PRTG: variants seen among roughly 807,000 people sequenced by gnomAD.
PRTG encodes immunoglobulin superfamily, DCC subclass, member 5.
PRTG carries 67 observed loss-of-function variants against 122.5 expected under a neutral mutation model. The ratio of observed to expected loss-of-function variants is 0.55; its 90% CI spans 0.45 to 0.67. The LOEUF (loss-of-function observed/expected upper bound fraction) is 0.67, where lower values mean the gene tolerates loss of function less well. Among genes scored for constraint, PRTG ranks in the 30% least tolerant of loss-of-function variants. PRTG has a pLI of 0.00. For missense variants in PRTG, 1,435 were observed against 1,415.4 expected, an observed-to-expected ratio of 1.01 and a Z score of -0.22; for synonymous variants, 554 against 501.1, an observed-to-expected ratio of 1.11 and a Z score of -1.41.
intron 18 of PRTG, among the ~76,000 whole-genome samples, chr15:55,622,384 ATTTTT>A (rs35166581): frequency 1.8e-5 from 2 of 109,278 alleles, no homozygotes. Context: ...CACCCAGCTA[ATTTTT>A]TTTTTTTTTT....
intron 9 of PRTG, among the ~76,000 whole-genome samples, chr15:55,674,130 C>T (rs1010128045): frequency 7.9e-5 from 12 of 152,162 alleles, no homozygotes; most frequent in African/African-American, 2.9e-4. Flanking sequence ...TTCCTAATTA[C>T]AACATATGTT....
chr15:55,727,619 A>G (rs2031080130), intron 2 of PRTG, among the ~76,000 whole-genome samples: 1 of 152,066 alleles, frequency 6.6e-6, no homozygotes, highest in Admixed American at 6.5e-5. Context: ...AACATGGTGA[A>G]ACCCCGTCTC....
At chr15:55,739,361 A>G (rs370000721) in intron 2 of PRTG, among the ~76,000 whole-genome samples, 1 of 151,692 alleles carries the variant, frequency 6.6e-6, no homozygotes. Flanking sequence ...CAGCCTCCTC[A>G]ATAGCTGGGA....
chr15:55,672,437 T>G lies in PRTG; in HGVS notation c.2041+8A>C, dbSNP rs1159625171. 1 of 1,607,060 alleles carries G rather than the reference T, an allele frequency of 6.2e-7. No individual in the cohort carries two copies. The highest frequency in any genetic ancestry group is 1.7e-5 in the Admixed American group (1 of 58,682). On this transcript the variant is annotated splice_region_variant and intron_variant, in intron 11 of 19. Transcript: ENST00000389286. ...AAAAAGGGAAAAATACAGTACAAACTCACTCACCTAAGCCACTGAGAGTAT... is the reference window on the plus strand; with the variant it reads ...AAAAAGGGAAAAATACAGTACAAACGCACTCACCTAAGCCACTGAGAGTAT...
rs2059554635 is a variant in PRTG at position 55,683,788 on chromosome 15, T to A, written c.541A>T (p.Arg181Trp). ...CCAAAGACAAAAATCTACATCTACC[T>A]GTCCATAGTCATAGGTAGAGTTGTC... ...NRTTLPMTMD[R>W]ITALPTGVLQ... The change falls in exon 3 of 20, where the codon AGG becomes TGG. Residue 181 changes from arginine (R) to tryptophan (W), a missense_variant and splice_region_variant. By Grantham distance (101) the Arg-to-Trp change is moderately radical. Coordinates refer to ENST00000389286, the MANE Select transcript of PRTG (RefSeq NM_173814.6). 2.5e-6 allele frequency: 4 copies of A among 1,610,316 alleles called. No homozygotes were observed. The highest frequency in any genetic ancestry group is 2.5e-6 in the Non-Finnish European group (3 of 1,178,136).
intron 15 of PRTG, 28 bp downstream of exon 15, chr15:55,637,142 A>T (rs773408359): frequency 7.0e-7 from 1 of 1,425,198 alleles, no homozygotes; most frequent in Non-Finnish European, 9.3e-7. Context: ...CGTACTTTTC[A>T]CCCTTCATGG....
At chr15:55,696,537 T>C (rs1381302232) in intron 2 of PRTG, among the ~76,000 whole-genome samples, 3 of 152,202 alleles carry the variant, frequency 2.0e-5, no homozygotes, top group East Asian at 3.9e-4. Context: ...CAACATTTCA[T>C]GCTATCAATA....
intron 11 of PRTG, among the ~76,000 whole-genome samples, chr15:55,668,190 A>C (rs113764709): frequency 2.0e-5 from 3 of 152,374 alleles, no homozygotes; most frequent in African/African-American, 7.2e-5. Context: ...AAAATCAAAT[A>C]AAATAATTAA....
At chr15:55,673,312 G>T (rs1333470037) in intron 10 of PRTG, 59 bp downstream of exon 10, 1 of 1,220,458 alleles carries the variant, frequency 8.2e-7, no homozygotes, top group Non-Finnish European at 1.1e-6. Context: ...ATTTAGAGAA[G>T]AAAAACTTGA....
At chr15:55,740,271 A>G (rs368210948) in intron 2 of PRTG, 111 bp downstream of exon 2, 5 of 969,802 alleles carry the variant, frequency 5.2e-6, no homozygotes, top group Non-Finnish European at 3.1e-6. Context: ...TATTATCTCC[A>G]GTAAAATTCT....
intron 2 of PRTG, among the ~76,000 whole-genome samples, chr15:55,727,624 C>A (rs938303548): frequency 6.6e-6 from 1 of 152,084 alleles, no homozygotes; most frequent in Middle Eastern, 3.4e-3. Flanking sequence ...GGTGAAACCC[C>A]GTCTCTACTA....
At chr15:55,697,485 C>T (rs184545720) in intron 2 of PRTG, among the ~76,000 whole-genome samples, 28 of 152,216 alleles carry the variant, frequency 1.8e-4, no homozygotes, top group African/African-American at 5.8e-4. Flanking sequence ...ATAACTCTAC[C>T]GTACAGCCCT....
chr15:55,641,857 C>A (rs114740018), intron 11 of PRTG, among the ~76,000 whole-genome samples: 1,893 of 152,228 alleles, frequency 0.012, 46 homozygotes, highest in African/African-American at 0.04. Flanking sequence ...ATCTAATACA[C>A]CCTAAAACAA....
chr15:55,680,136 T>C lies in PRTG; in HGVS notation c.891A>G (p.Gln297=). Residue 297 remains glutamine (Q), a synonymous_variant, in exon 6 of 20, where the codon CAA becomes CAG. Transcript: ENST00000389286. ...CCCGACAAACATATACTCCAGCATG[T>C]TGTAGCCTGACATCAGATATCATGA... The part of the protein sequence containing the change: ...GNLMISDVRL[Q]HAGVYVCRAT... The C allele has an allele frequency of 3.7e-6, 6 of 1,613,198 alleles. No individual in the cohort carries two copies. Among genetic ancestry groups the C allele is most frequent in the Non-Finnish European group, 5.1e-6 (6 of 1,179,228 alleles).
intron 11 of PRTG, among the ~76,000 whole-genome samples, chr15:55,660,728 T>A (rs1443977557): frequency 6.6e-6 from 1 of 152,176 alleles, no homozygotes; most frequent in African/African-American, 2.4e-5. Flanking sequence ...TGAGGTTTTA[T>A]TAGCACATAT....
At chr15:55,624,576 C>T (rs1809487710) in intron 17 of PRTG, 69 bp from the exon 18 acceptor site, 1 of 1,346,772 alleles carries the variant, frequency 7.4e-7, no homozygotes, top group African/African-American at 1.5e-5. Context: ...ACCACCTGGC[C>T]TATCAACAAA....
intron 2 of PRTG, among the ~76,000 whole-genome samples, chr15:55,705,902 C>T (rs543244964): frequency 4.9e-5 from 7 of 141,668 alleles, no homozygotes; most frequent in Non-Finnish European, 1.1e-4. Flanking sequence ...GTCACCAGTG[C>T]AGTGGCACGG....
At chr15:55,621,101 C>G (rs1385637964) in intron 18 of PRTG, among the ~76,000 whole-genome samples, 1 of 152,128 alleles carries the variant, frequency 6.6e-6, no homozygotes, top group Non-Finnish European at 1.5e-5. Context: ...CACCTGTAAC[C>G]CCAGCACTTT....
rs756826144 is a variant in PRTG, at chr15:55,740,542, C to T, written c.237G>A (p.Met79Ile). 4.4e-6 allele frequency: 7 copies of T among 1,598,690 alleles called. No homozygotes were observed. The Admixed American group carries it at 6.7e-5, about 15-fold the overall frequency. Residue 79 changes from methionine to isoleucine, a missense_variant, in exon 2 of 20, where the codon ATG (methionine) becomes ATA (isoleucine). Transcript: ENST00000389286. ...KVTWLKNGAK[M>I]SENKRIEVLS... is the part of the protein sequence containing the mutation. ...GAACCTCGATCCGTTTATTTTCAGA[C>T]ATTTTTGCTCCATTTTTCAACCATG...
Sources: gnomAD v4.1 joint callset for allele counts (sites outside exome capture counted in the v4.1 genomes callset) on GRCh38, gnomAD v4.1.1 for gene constraint, MANE v1.5 for transcripts, NCBI Gene and HGNC (gene_info 2026-07-23, HGNC 2026-07-21) for gene names.